DGCR2: variants seen among roughly 807,000 people sequenced by gnomAD.
DGCR2 encodes the protein DiGeorge syndrome critical region gene 2.
DGCR2 carries 24 observed loss-of-function variants against 51.6 expected under a neutral mutation model. The observed-to-expected ratio is 0.47, with a 90% CI of 0.34 to 0.65. DGCR2 has a LOEUF of 0.65. Ranked by LOEUF, DGCR2 falls within the 30% of genes least tolerant of loss-of-function variation. DGCR2 has a pLI of 0.01. For missense variants in DGCR2, 765 were observed against 772.1 expected, an observed-to-expected ratio of 0.99 and a Z score of 0.11; for synonymous variants, 340 against 315.4, an observed-to-expected ratio of 1.08 and a Z score of -0.82.
At chr22:19,064,007 G>A (rs2082719218) in intron 4 of DGCR2, among the ~76,000 whole-genome samples, 1 of 152,190 alleles carries the variant, frequency 6.6e-6, no homozygotes, top group Non-Finnish European at 1.5e-5. Flanking sequence ...GCCCACCTCA[G>A]GCCTGCAGCC....
At chr22:19,104,097 C>T (rs1362020793) in intron 1 of DGCR2, among the ~76,000 whole-genome samples, 1 of 152,104 alleles carries the variant, frequency 6.6e-6, no homozygotes, top group East Asian at 1.9e-4. Flanking sequence ...GATGTCATCA[C>T]ATATCAAATA....
intron 1 of DGCR2, among the ~76,000 whole-genome samples, chr22:19,114,060 A>AG (rs1372918077): frequency 9.4e-6 from 1 of 105,828 alleles, no homozygotes; most frequent in Non-Finnish European, 1.8e-5. Context: ...ATTCCATTTG[A>AG]GGAAAAAAAA....
intron 2 of DGCR2, among the ~76,000 whole-genome samples, chr22:19,076,724 A>ATTTTTTTTTTTT (rs1165827499): frequency 1.3e-5 from 1 of 79,952 alleles, no homozygotes; most frequent in Non-Finnish European, 2.2e-5. Context: ...TCCTTTGCAC[A>ATTTTTTTTTTTT]TTTTTTTTTT....
chr22:19,087,607 AC>A (rs2146009471), intron 2 of DGCR2, among the ~76,000 whole-genome samples: 1 of 149,770 alleles, frequency 6.7e-6, no homozygotes, highest in Non-Finnish European at 1.5e-5. Flanking sequence ...GAAACTCCTG[AC>A]CTTAAGTGAT....
rs1463113568 is a variant in DGCR2, at chr22:19,089,433, G to C, written c.137C>G (p.Pro46Arg). 6.2e-7 allele frequency: 1 copy of C among 1,609,684 alleles called. No individual in the cohort carries two copies. The highest frequency in any genetic ancestry group is 8.5e-7 in the Non-Finnish European group (1 of 1,177,904). Reference sequence around the variant, plus strand: ...CCAGCCGTCACACTGCCAGGGGAGGGGGATGCACTGGATGGTGCCGCTGCG... The same window carrying C: ...CCAGCCGTCACACTGCCAGGGGAGGCGGATGCACTGGATGGTGCCGCTGCG... ...ACRSGTIQCIPLPWQCDGWAT... is the reference protein window; with the variant it reads ...ACRSGTIQCIRLPWQCDGWAT... The change falls in exon 2 of 10, where the codon CCC becomes CGC. Residue 46 changes from proline to arginine, a missense_variant. Coordinates refer to ENST00000263196, the MANE Select transcript of DGCR2 (RefSeq NM_005137.3).
At chr22:19,062,459 C>A (rs1382181147) in intron 5 of DGCR2, among the ~76,000 whole-genome samples, 2 of 152,206 alleles carry the variant, frequency 1.3e-5, no homozygotes, top group Non-Finnish European at 1.5e-5. Flanking sequence ...CTTAGAGATA[C>A]TTAAGACATC....
Position 19,048,592 on chromosome 22 carries a change from A to C in DGCR2, c.854T>G (p.Phe285Cys). ...GCATGGGTCGTCCCCCTTAGGGGTG[A>C]AGTAGAACCCTTCATCCACCACGTT... ...KDNVVDEGFY[F>C]TPKGDDPCLS... Residue 285 changes from phenylalanine to cysteine, a missense_variant, in exon 7 of 10, where the codon TTC becomes TGC. Phe to Cys is a radical substitution (Grantham distance 205, BLOSUM62 -2). Transcript: ENST00000263196. The C allele has an allele frequency of 6.2e-7, 1 of 1,614,228 alleles. No individual in the cohort carries two copies. Among genetic ancestry groups the C allele is most frequent in the South Asian group, 1.1e-5 (1 of 91,086 alleles).
intron 7 of DGCR2, 55 bp from the exon 8 acceptor site, chr22:19,042,014 C>G: frequency 6.4e-7 from 1 of 1,567,776 alleles, no homozygotes; most frequent in Non-Finnish European, 8.6e-7. Flanking sequence ...CCTCGTGCTA[C>G]GCTGGGGATG....
chr22:19,050,403 CCAGA>C (rs1381804732), intron 6 of DGCR2, among the ~76,000 whole-genome samples: 8 of 152,064 alleles, frequency 5.3e-5, no homozygotes, highest in African/African-American at 1.9e-4. Context: ...ATAAACTTTC[CCAGA>C]CAAACAACAA....
At chr22:19,070,949 C>G (rs978482045) in intron 2 of DGCR2, among the ~76,000 whole-genome samples, 2 of 152,332 alleles carry the variant, frequency 1.3e-5, no homozygotes, top group African/African-American at 4.8e-5. Context: ...GTCTGGGGGC[C>G]AGGCTGGGGA....
chr22:19,058,919 C>A (rs554532085), intron 5 of DGCR2, among the ~76,000 whole-genome samples: 1 of 152,376 alleles, frequency 6.6e-6, no homozygotes, highest in South Asian at 2.1e-4. Context: ...CTGTGTAGCG[C>A]CCCTGCCCAG....
intron 6 of DGCR2, among the ~76,000 whole-genome samples, chr22:19,055,106 ACT>A (rs1271648250): frequency 2.0e-5 from 3 of 152,114 alleles, no homozygotes; most frequent in Non-Finnish European, 4.4e-5. Context: ...ACGGGGCAAG[ACT>A]CTGTCTCAAA....
At position 19,051,857 on chromosome 22, in the gene DGCR2, T is replaced by C. The variant is rs544154697; in HGVS notation, c.803-3214A>G. On this transcript the variant is annotated intron_variant, in intron 6 of 9. Transcript: ENST00000263196. Reference sequence around the variant, plus strand: ...TCAGTAGCCTCAGGGAAATGCAAATTGAAACCATAAGGAGCCACAGGTCTA... The same window carrying C: ...TCAGTAGCCTCAGGGAAATGCAAATCGAAACCATAAGGAGCCACAGGTCTA... Among the ~76,000 whole-genome samples the C allele has an allele frequency of 2.0e-5, 3 of 152,192 alleles. No homozygotes were observed. The South Asian group carries it at 6.2e-4, about 32-fold the overall frequency.
At position 19,041,119 on chromosome 22, in the gene DGCR2, G is replaced by A. The variant is rs778507188; in HGVS notation, c.1335C>T (p.Asp445=). ...AGGCCTCGTAGGGCGGCGGAGGGTC[G>A]TCGGGCTGGCCGATGTCCGGGTACT... ...AYKYPDIGQP[D]DPPPPYEASI... Residue 445 remains aspartate, a synonymous_variant, in exon 9 of 10, where the codon GAC becomes GAT. Transcript: ENST00000263196. 1.4e-5 allele frequency: 22 copies of A among 1,613,704 alleles called. No homozygotes were observed. The highest frequency in any genetic ancestry group is 1.8e-5 in the Non-Finnish European group (21 of 1,179,838).
chr22:19,054,689 C>G (rs1212477340), intron 6 of DGCR2, among the ~76,000 whole-genome samples: 3 of 150,946 alleles, frequency 2.0e-5, no homozygotes, highest in Admixed American at 6.6e-5. Flanking sequence ...TATGATCGTG[C>G]CTGTGATTAG....
chr22:19,112,942 G>C (rs994032426), intron 1 of DGCR2, among the ~76,000 whole-genome samples: 3 of 144,330 alleles, frequency 2.1e-5, no homozygotes, highest in African/African-American at 7.6e-5. Flanking sequence ...AACTATTCTG[G>C]GTGCAGTGTA....
At chr22:19,083,904 T>G (rs947418782) in intron 2 of DGCR2, among the ~76,000 whole-genome samples, 4 of 152,100 alleles carry the variant, frequency 2.6e-5, no homozygotes, top group Admixed American at 1.3e-4. Flanking sequence ...TTTTTTTTGG[T>G]GGAGACGGGG....
chr22:19,122,389 A>T lies in DGCR2; in HGVS notation c.-183T>A, dbSNP rs17555279. 0.018 allele frequency: 7,914 copies of T among 449,164 alleles called. 295 individuals are homozygous for T. The highest frequency in any genetic ancestry group is 0.081 in the East Asian group (2,116 of 26,110). The allele number at this position is 449,164 out of a possible 1,614,324, so 27.8% of individuals were successfully genotyped here. ...CACACTCTCGGCTGCAACCTCAGGCACCGACTCCAGCTGCGCGCAAGATGG... is the reference window on the plus strand; with the variant it reads ...CACACTCTCGGCTGCAACCTCAGGCTCCGACTCCAGCTGCGCGCAAGATGG... On this transcript the variant is annotated 5_prime_UTR_variant, in exon 1 of 10. Coordinates refer to ENST00000263196, the MANE Select transcript of DGCR2 (RefSeq NM_005137.3).
intron 1 of DGCR2, among the ~76,000 whole-genome samples, chr22:19,093,092 G>A (rs112482772): frequency 0.028 from 4,244 of 152,284 alleles, 104 homozygotes; most frequent in South Asian, 0.066. Flanking sequence ...CAGGCCCAGT[G>A]GCTCATGCCT....
Sources: allele counts gnomAD v4.1 joint callset (sites outside exome capture counted in the v4.1 genomes callset), GRCh38; gene constraint gnomAD v4.1.1; transcripts MANE v1.5; gene names NCBI Gene and HGNC (gene_info 2026-07-23, HGNC 2026-07-21).